Variants in SPTBN1 observed in about 807,000 individuals in gnomAD.
SPTBN1 encodes the protein spectrin beta, non-erythrocytic 1, also known as spectrin beta chain, non-erythrocytic 1.
Under a neutral mutation model 266.4 loss-of-function variants are expected in SPTBN1, and 32 were observed. The observed-to-expected ratio is 0.12, with a 90% CI of 0.09 to 0.16. SPTBN1 has a LOEUF of 0.16. Ranked by LOEUF, SPTBN1 falls within the 10% of genes least tolerant of loss-of-function variation. SPTBN1 has a pLI of 1.00. For missense variants in SPTBN1, 2,296 were observed against 3,067.1 expected (o/e 0.75, Z 5.94); for synonymous variants, 1,336 against 1,162.2 (o/e 1.15, Z -3.04).
chr2:54,576,072 T>TTTTTTTTTTA (rs1674447709), intron 2 of SPTBN1, among the ~76,000 whole-genome samples: 1 of 113,358 alleles, frequency 8.8e-6, no homozygotes. Flanking sequence ...TTTTTTTTTT[T>TTTTTTTTTTA]GAGAGACAGT....
Position 54,664,280 on chromosome 2 carries a change from C to A in SPTBN1, c.6421-173C>A, listed in dbSNP as rs1164657384. The A allele has an allele frequency of 9.0e-6, 6 of 667,712 alleles. No homozygotes were observed. In the African/African-American group the frequency reaches 1.1e-4, roughly 12 times the overall value. The allele number at this position is 667,712 out of a possible 1,614,324, so 41.4% of individuals were successfully genotyped here. ...ATGGGCGGGTATTAATCCATTCCCA[C>A]CTTCTAATGTCCTTGATGTCCAGCT... On this transcript the variant is annotated intron_variant, in intron 32 of 35. Transcript: ENST00000356805. This position sits in a 1 kb window ranked among gnomAD's most constrained non-coding sequence, Gnocchi z 5.6.
chr2:54,660,804 G>C, intron 32 of SPTBN1: 1 of 985,408 alleles, frequency 1.0e-6, no homozygotes, highest in Non-Finnish European at 1.2e-6. Flanking sequence ...CCCGCTGACT[G>C]CTGCCGCCAC....
chr2:54,643,240 G>A (rs1000355248), intron 19 of SPTBN1, 111 bp downstream of exon 19: 22 of 1,460,886 alleles, frequency 1.5e-5, no homozygotes, highest in South Asian at 2.8e-5. Context: ...GTACATTTAC[G>A]TAAGTTACAC....
At chr2:54,519,099 A>G (rs1180423672) in intron 1 of SPTBN1, among the ~76,000 whole-genome samples, 1 of 152,184 alleles carries the variant, frequency 6.6e-6, no homozygotes, top group East Asian at 1.9e-4. Context: ...GTTGTGACTG[A>G]TGGAGATAGT....
chr2:54,530,402 A>G (rs930469731), intron 2 of SPTBN1, among the ~76,000 whole-genome samples: 1 of 108,836 alleles, frequency 9.2e-6, no homozygotes, highest in Non-Finnish European at 1.7e-5. Flanking sequence ...TCTGTCGTCC[A>G]GGCTGGAGTG....
At chr2:54,457,153 G>GCACCCC (rs1553425454) in intron 1 of SPTBN1, 1 of 49,690 alleles carries the variant, frequency 2.0e-5, no homozygotes, top group Non-Finnish European at 3.8e-5. Context: ...TCGTGCGCCC[G>GCACCCC]CCCCCCCCCC....
chr2:54,501,473 G>T (rs750591506), intron 1 of SPTBN1, among the ~76,000 whole-genome samples: 1 of 152,122 alleles, frequency 6.6e-6, no homozygotes, highest in African/African-American at 2.4e-5. Flanking sequence ...CATTATTTAG[G>T]TACAGTGTTA....
At chr2:54,552,045 G>A (rs1050706513) in intron 2 of SPTBN1, among the ~76,000 whole-genome samples, 2 of 152,154 alleles carry the variant, frequency 1.3e-5, no homozygotes, top group African/African-American at 4.8e-5. Context: ...GAAGGGAGGG[G>A]TATCAGTACA....
chr2:54,639,747 A>C (rs1345245380), intron 18 of SPTBN1, among the ~76,000 whole-genome samples: 1 of 152,176 alleles, frequency 6.6e-6, no homozygotes. Context: ...GGTTATGAGG[A>C]GTTCTCTCCT....
chr2:54,662,403 GA>G, intron 32 of SPTBN1: 22 of 911,560 alleles, frequency 2.4e-5, no homozygotes, highest in Non-Finnish European at 2.9e-5. Context: ...TAACTCTAAA[GA>G]AAAAATTTTT....
intron 3 of SPTBN1, among the ~76,000 whole-genome samples, chr2:54,606,113 T>G (rs1048847527): frequency 1.3e-5 from 2 of 152,198 alleles, no homozygotes; most frequent in African/African-American, 4.8e-5. Context: ...GAGGAGATTC[T>G]GAGAGGACCA....
chr2:54,644,203 A>T, intron 19 of SPTBN1, 120 bp from the exon 20 acceptor site: 2 of 1,261,300 alleles, frequency 1.6e-6, no homozygotes, highest in Non-Finnish European at 2.2e-6. Flanking sequence ...ATGTGGAAAG[A>T]CTGTGTGTAT....
In SPTBN1 at chr2:54,664,149, T is replaced by C. The variant is rs1465267433; in HGVS notation, c.6421-304T>C. The C allele has an allele frequency of 8.1e-5, 21 of 257,748 alleles. No individual in the cohort carries two copies. In the East Asian group the frequency reaches 1.6e-3, roughly 20 times the overall value. The allele number at this position is 257,748 out of a possible 1,614,324, so 16.0% of individuals were successfully genotyped here. ...GTGATTGTTACTGTTGTCTTTTTGT[T>C]TTAAAGTAACCATAAGAGGAGATGA... On this transcript the variant is annotated intron_variant, in intron 32 of 35. Transcript: ENST00000356805. The surrounding 1 kb of genome is among the most constrained non-coding windows in gnomAD (Gnocchi z 5.6).
chr2:54,526,090 C>T (rs958108073), intron 1 of SPTBN1, among the ~76,000 whole-genome samples: 6 of 152,192 alleles, frequency 3.9e-5, no homozygotes, highest in African/African-American at 7.2e-5. Context: ...ATAAACCCAC[C>T]ATTTTGGGGG....
rs182414133 is a variant in SPTBN1, at chr2:54,565,520, A to G, written c.149-33572A>G. ...CTCAAGAGCCACTATAGAAAGAGAT[A>G]TAAGTTTAGAAAAAATAGAGATAAA... On this transcript the variant is annotated intron_variant, in intron 2 of 35. Coordinates refer to ENST00000356805, the MANE Select transcript of SPTBN1 (RefSeq NM_003128.3). Among the ~76,000 whole-genome samples the G allele has an allele frequency of 3.7e-4, 57 of 152,334 alleles. 1 individual carries two copies. The East Asian group carries it at 8.5e-3, about 23-fold the overall frequency.
rs374231901 is a variant in SPTBN1, at chr2:54,583,918, G to A, written c.149-15174G>A. ...TCATATTTTCCCCTTTAATGGGAAC[G>A]CTCTTTAAATTTTTCAAAATTAATA... On this transcript the variant is annotated intron_variant, in intron 2 of 35. Transcript: ENST00000356805. 6.6e-5 allele frequency among the ~76,000 whole-genome samples: 10 copies of A among 152,070 alleles called. No individual in the cohort carries two copies. In the South Asian group the frequency reaches 1.0e-3, roughly 16 times the overall value.
chr2:54,586,332 C>T (rs1166407967), intron 2 of SPTBN1, among the ~76,000 whole-genome samples: 1 of 152,182 alleles, frequency 6.6e-6, no homozygotes, highest in Non-Finnish European at 1.5e-5. Flanking sequence ...GTTTAGGTGA[C>T]TCATGTGTAA....
chr2:54,493,628 C>T (rs1338377643), intron 1 of SPTBN1, among the ~76,000 whole-genome samples: 2 of 152,166 alleles, frequency 1.3e-5, no homozygotes, highest in East Asian at 1.9e-4. Context: ...TCTTGAACTC[C>T]TTGCCTCAAG....
chr2:54,495,203 C>T (rs1484392943), intron 1 of SPTBN1, among the ~76,000 whole-genome samples: 1 of 152,136 alleles, frequency 6.6e-6, no homozygotes, highest in South Asian at 2.1e-4. Flanking sequence ...TGGAGGACAG[C>T]AGGGACCATA....
Sources: allele counts gnomAD v4.1 joint callset (sites outside exome capture counted in the v4.1 genomes callset), GRCh38; gene constraint gnomAD v4.1.1; non-coding constraint Gnocchi (gnomAD v3.1); transcripts MANE v1.5; gene names NCBI Gene and HGNC (gene_info 2026-07-23, HGNC 2026-07-21).